Variants in GCSAML observed in about 807,000 individuals in gnomAD.
The protein encoded by GCSAML is germinal center associated signaling and motility like.
A neutral mutation model predicts 13.0 loss-of-function variants in GCSAML; 9 were observed. The observed-to-expected ratio is 0.69, with a 90% confidence interval of 0.42 to 1.21. GCSAML has a LOEUF of 1.21. Among genes scored for constraint, GCSAML ranks in the 50% most tolerant of loss-of-function variants. GCSAML has a pLI of 0.00. For missense variants in GCSAML, 143 were observed against 153.4 expected, an observed-to-expected ratio of 0.93 and a Z score of 0.36; for synonymous variants, 37 against 52.9, an observed-to-expected ratio of 0.70 and a Z score of 1.31.
At chr1:247,566,671 C>T (rs1668383664) in intron 4 of GCSAML, among the ~76,000 whole-genome samples, 1 of 151,966 alleles carries the variant, frequency 6.6e-6, no homozygotes, top group African/African-American at 2.4e-5. Flanking sequence ...TCCTTATATC[C>T]AGGAATTAGC....
In GCSAML at chr1:247,565,911, T is replaced by C. The variant is rs1224443391; in HGVS notation, c.140-20T>C. 3 of 1,554,370 alleles carry C rather than the reference T, an allele frequency of 1.9e-6. No individual in the cohort carries two copies. Among genetic ancestry groups the C allele is most frequent in the African/African-American group, 1.4e-5 (1 of 71,510 alleles). On this transcript the variant is annotated intron_variant, in intron 3 of 4. Transcript: ENST00000366488. ...CAGTGCTTTCCTTTCTTTCTTTTTT[T>C]TTTTTTTTTAATTCTCCAGGCCAAG...
At chr1:247,571,815 C>T (rs1023507779) in intron 4 of GCSAML, among the ~76,000 whole-genome samples, 2 of 152,196 alleles carry the variant, frequency 1.3e-5, no homozygotes, top group African/African-American at 4.8e-5. Context: ...ATTCCATTCT[C>T]CCCGTCACTT....
At chr1:247,546,586 T>C (rs565617851), upstream of GCSAML, among the ~76,000 whole-genome samples, 75 of 151,880 alleles carry the variant, frequency 4.9e-4, no homozygotes, top group African/African-American at 1.5e-3. Flanking sequence ...TGGTCTCAAT[T>C]TCCTGACCTC....
intron 4 of GCSAML, among the ~76,000 whole-genome samples, chr1:247,570,894 G>A (rs1217614385): frequency 3.9e-5 from 6 of 152,158 alleles, no homozygotes; most frequent in African/African-American, 1.4e-4. Flanking sequence ...GGGTGCTCCT[G>A]TATTCGGTGC....
intron 2 of GCSAML, among the ~76,000 whole-genome samples, chr1:247,561,659 TTAACAA>T (rs1262756660): frequency 6.6e-6 from 1 of 152,234 alleles, no homozygotes; most frequent in Non-Finnish European, 1.5e-5. Flanking sequence ...TTAATAACTA[TTAACAA>T]TAATAAACAT....
chr1:247,545,374 A>G (rs1003641804), upstream of GCSAML, among the ~76,000 whole-genome samples: 2 of 152,236 alleles, frequency 1.3e-5, no homozygotes, highest in Non-Finnish European at 2.9e-5. Flanking sequence ...GCCAGCTAGT[A>G]TTAACAATTA....
intron 4 of GCSAML, among the ~76,000 whole-genome samples, chr1:247,572,375 A>G (rs1254161921): frequency 6.6e-6 from 1 of 151,988 alleles, no homozygotes; most frequent in African/African-American, 2.4e-5. Flanking sequence ...TGACCTTTGT[A>G]TGGAGTTTTT....
At chr1:247,517,842 T>C (rs1666266246) in intron 1 of GCSAML, among the ~76,000 whole-genome samples, 1 of 152,120 alleles carries the variant, frequency 6.6e-6, no homozygotes, top group South Asian at 2.1e-4. Context: ...CCTCTCTAAA[T>C]AGGCAAATGA....
chr1:247,564,696 G>T (rs1373638213), intron 3 of GCSAML, among the ~76,000 whole-genome samples: 4 of 152,092 alleles, frequency 2.6e-5, no homozygotes, highest in Middle Eastern at 3.2e-3. Flanking sequence ...GGACATAAGG[G>T]CACTTGAGAT....
intron 2 of GCSAML, among the ~76,000 whole-genome samples, chr1:247,534,264 T>TA (rs1667128206): frequency 6.6e-6 from 1 of 152,200 alleles, no homozygotes; most frequent in Admixed American, 6.5e-5. Context: ...TACCTCTGGG[T>TA]CCCCAGTGTC....
chr1:247,573,953 T>C (rs1018991128), intron 4 of GCSAML, among the ~76,000 whole-genome samples, 190 bp from the exon 5 acceptor site: 1 of 152,142 alleles, frequency 6.6e-6, no homozygotes, highest in Non-Finnish European at 1.5e-5. Flanking sequence ...TTGTAGCAAT[T>C]GTAAATGGGA....
chr1:247,556,134 G>A (rs1195451120), intron 1 of GCSAML, among the ~76,000 whole-genome samples: 1 of 152,136 alleles, frequency 6.6e-6, no homozygotes, highest in Admixed American at 6.6e-5. Flanking sequence ...TTCTAGAGAT[G>A]CAGGAAGTTT....
chr1:247,558,870 A>G (rs1446271769), intron 2 of GCSAML, among the ~76,000 whole-genome samples: 1 of 151,868 alleles, frequency 6.6e-6, no homozygotes, highest in Non-Finnish European at 1.5e-5. Context: ...ATATTGTTTT[A>G]TAGTCTTGAA....
Position 247,574,323 on chromosome 1 carries a change from G to A in GCSAML, c.349G>A (p.Val117Ile). The A allele has an allele frequency of 6.2e-7, 1 of 1,613,954 alleles. No homozygotes were observed. The highest frequency in any genetic ancestry group is 8.5e-7 in the Non-Finnish European group (1 of 1,179,888). Residue 117 changes from valine (V) to isoleucine (I), a missense_variant, in exon 5 of 5, where the codon GTT becomes ATT. By Grantham distance (29) the Val-to-Ile change is conservative (BLOSUM62 3). Transcript: ENST00000366488. ...ETEYALLRTS[V>I]SRPCSCTHEH... ...AGAATATGCCCTTCTTAGGACTTCT[G>A]TTAGTAGGCCTTGTTCCTGCACCCA...
At chr1:247,546,326 C>T (rs1667567524), upstream of GCSAML, among the ~76,000 whole-genome samples, 1 of 152,020 alleles carries the variant, frequency 6.6e-6, no homozygotes, top group African/African-American at 2.4e-5. Flanking sequence ...GCACATGCTA[C>T]CACACCTGGC....
intron 1 of GCSAML, chr1:247,524,832 A>C (rs572437623): frequency 6.6e-6 from 1 of 152,210 alleles, no homozygotes; most frequent in Non-Finnish European, 1.5e-5. Flanking sequence ...AATCATGTCA[A>C]CTACCGCTAC....
rs1666705556 is a variant in GCSAML, at chr1:247,526,971, G to C, written c.-231G>C. On this transcript the variant is annotated 5_prime_UTR_variant, in exon 2 of 6. Transcript: ENST00000366489. The surrounding 1 kb of genome is among the most constrained non-coding windows in gnomAD (Gnocchi z 4.8). ...CTGCCTCAAGATGGTTATGTTGGAG[G>C]ATTCCAATAGTTCTACTGGATGTGG... is the stretch of plus-strand genomic sequence containing the variant. 2.2e-6 allele frequency: 1 copy of C among 456,740 alleles called. No individual in the cohort carries two copies. 28.3% of individuals were successfully genotyped at this position (456,740 alleles called of 1,614,324 possible). A position where few individuals can be genotyped will look rare whatever the true frequency, so the allele number is the denominator to read the frequency against.
intron 1 of GCSAML, among the ~76,000 whole-genome samples, chr1:247,549,951 G>A (rs1667709716): frequency 3.3e-5 from 5 of 152,142 alleles, no homozygotes; most frequent in Non-Finnish European, 4.4e-5. Context: ...TGCATATGAC[G>A]TGACTACATT....
intron 1 of GCSAML, among the ~76,000 whole-genome samples, chr1:247,556,084 G>A (rs1275470432): frequency 6.6e-6 from 1 of 152,152 alleles, no homozygotes; most frequent in South Asian, 2.1e-4. Context: ...ATGCTTCCCT[G>A]TTGTTAAGGT....
Sources: gnomAD v4.1 joint callset for allele counts (sites outside exome capture counted in the v4.1 genomes callset) on GRCh38, gnomAD v4.1.1 for gene constraint, Gnocchi (gnomAD v3.1) non-coding constraint, MANE v1.5 for transcripts, NCBI Gene and HGNC (gene_info 2026-07-23, HGNC 2026-07-21) for gene names.